MRRF: variants seen among roughly 807,000 people sequenced by gnomAD.
MRRF encodes the protein ribosome-recycling factor, mitochondrial.
MRRF carries 18 observed loss-of-function variants against 25.1 expected under a neutral mutation model. The observed-to-expected ratio is 0.72, with a 90% CI of 0.50 to 1.06. The LOEUF (loss-of-function observed/expected upper bound fraction) is 1.06. Among genes scored for constraint, MRRF ranks in the 50% least tolerant of loss-of-function variants. MRRF has a pLI of 0.00. For missense variants in MRRF, 323 were observed against 319.3 expected (o/e 1.01, Z -0.09); for synonymous variants, 113 against 112.1 (o/e 1.01, Z -0.05).
intron 6 of MRRF, among the ~76,000 whole-genome samples, chr9:122,320,396 C>T (rs1306259655): frequency 6.6e-6 from 1 of 152,188 alleles, no homozygotes; most frequent in African/African-American, 2.4e-5. Context: ...AGTACTCTCC[C>T]TCCTCCCAGT....
In MRRF at chr9:122,265,429, C is replaced by G. The variant is rs1587989041; in HGVS notation, c.-29+491C>G. The stretch of plus-strand genomic sequence containing the variant: ...GTAGCCCTTCTCCATTTACTTAACC[C>G]TGACAAATAGTATTGTCATTTACGT... On this transcript the variant is annotated intron_variant, in intron 1 of 6. Transcript: ENST00000344641. 2.1e-4 allele frequency: 62 copies of G among 289,618 alleles called. 1 individual carries two copies. Among genetic ancestry groups the G allele is most frequent in the South Asian group, 1.9e-3 (61 of 32,880 alleles). 17.9% of individuals were successfully genotyped at this position (289,618 alleles called of 1,614,324 possible).
intron 6 of MRRF, among the ~76,000 whole-genome samples, chr9:122,316,220 G>T (rs1250785665): frequency 6.6e-6 from 1 of 151,948 alleles, no homozygotes. Context: ...TTGTCACCCA[G>T]GCTGGAGTGC....
At position 122,327,725 on chromosome 9, in the gene MRRF, C is replaced by G. The variant is rs1836178652; in HGVS notation, c.*5108C>G. 1 of 152,148 alleles carries G rather than the reference C, an allele frequency of 6.6e-6. No individual in the cohort carries two copies. Among genetic ancestry groups the G allele is most frequent in the Non-Finnish European group, 1.5e-5 (1 of 68,028 alleles). 9.4% of individuals were successfully genotyped at this position (152,148 alleles called of 1,614,324 possible). On this transcript the variant is annotated 3_prime_UTR_variant, in exon 7 of 7. Transcript: ENST00000344641. ...TTATACATAGCGCTCCAGACGCTTA[C>G]ATCTTCTTTATTTCATTCAGTGCTC...
At chr9:122,274,533 G>GGTGTGTGTGTGT (rs765131163) in intron 2 of MRRF, among the ~76,000 whole-genome samples, 1,911 of 140,610 alleles carry the variant, frequency 0.014, 20 homozygotes, top group Middle Eastern at 0.025. Flanking sequence ...ATATGAATCT[G>GGTGTGTGTGTGT]GTGTGTGTGT....
chr9:122,307,199 C>T (rs1055285185), intron 5 of MRRF, among the ~76,000 whole-genome samples: 1 of 152,210 alleles, frequency 6.6e-6, no homozygotes, highest in Non-Finnish European at 1.5e-5. Context: ...GAACGTGGTG[C>T]TGCTGATTTC....
At chr9:122,265,480 GAGT>G (rs1832008523) in intron 1 of MRRF, 1 of 327,556 alleles carries the variant, frequency 3.1e-6, no homozygotes, top group Non-Finnish European at 6.0e-6. Flanking sequence ...GAAGTCCTGA[GAGT>G]TTGACCGATT....
chr9:122,276,206 G>A (rs1049782505), intron 2 of MRRF, among the ~76,000 whole-genome samples: 7 of 152,142 alleles, frequency 4.6e-5, no homozygotes, highest in Admixed American at 2.6e-4. Flanking sequence ...GAGTCACCAC[G>A]CCCAGCCTGT....
chr9:122,303,285 A>ATT (rs967842947), intron 5 of MRRF, among the ~76,000 whole-genome samples: 8 of 147,316 alleles, frequency 5.4e-5, no homozygotes, highest in Non-Finnish European at 9.1e-5. Flanking sequence ...AAATAAATAT[A>ATT]TTATATATAT....
chr9:122,308,542 T>C (rs952943647), intron 5 of MRRF, among the ~76,000 whole-genome samples: 1 of 151,416 alleles, frequency 6.6e-6, no homozygotes, highest in Admixed American at 6.6e-5. Context: ...CTACTAAAAA[T>C]ACAAAAATTA....
At chr9:122,273,840 C>A (rs1832613781) in intron 2 of MRRF, among the ~76,000 whole-genome samples, 1 of 152,030 alleles carries the variant, frequency 6.6e-6, no homozygotes. Context: ...GAGATATGTC[C>A]ATGTTGTGCA....
At chr9:122,270,119 T>C (rs1484748329) in intron 1 of MRRF, among the ~76,000 whole-genome samples, 1 of 152,238 alleles carries the variant, frequency 6.6e-6, no homozygotes, top group Non-Finnish European at 1.5e-5. Flanking sequence ...TTCTTAATTT[T>C]TACCTGAGCC....
chr9:122,287,970 A>G (rs1833515257), intron 4 of MRRF, among the ~76,000 whole-genome samples: 1 of 152,146 alleles, frequency 6.6e-6, no homozygotes, highest in Non-Finnish European at 1.5e-5. Context: ...TGTTTATGTA[A>G]TTTCTGTTTC....
chr9:122,289,159 C>T (rs891517472), intron 4 of MRRF, among the ~76,000 whole-genome samples: 1 of 152,104 alleles, frequency 6.6e-6, no homozygotes, highest in African/African-American at 2.4e-5. Context: ...TAAAATGAAA[C>T]TTTGATTCAT....
chr9:122,300,272 A>G (rs1834367732), intron 5 of MRRF, among the ~76,000 whole-genome samples: 1 of 152,170 alleles, frequency 6.6e-6, no homozygotes, highest in Non-Finnish European at 1.5e-5. Flanking sequence ...ACAGTGGATC[A>G]AGGTGTGGGG....
intron 4 of MRRF, among the ~76,000 whole-genome samples, chr9:122,291,490 T>C (rs1402126166): frequency 6.6e-6 from 1 of 152,238 alleles, no homozygotes; most frequent in African/African-American, 2.4e-5. Flanking sequence ...TGAAATCTTT[T>C]CAAAGAGGCA....
At chr9:122,285,316 C>T (rs764782302) in intron 4 of MRRF, 29 bp downstream of exon 4, 13 of 1,354,468 alleles carry the variant, frequency 9.6e-6, no homozygotes, top group East Asian at 4.6e-5. Flanking sequence ...AATCTCTCTC[C>T]GTGGTCTCTT....
chr9:122,309,117 A>C (rs146711932), intron 5 of MRRF, among the ~76,000 whole-genome samples: 1 of 152,142 alleles, frequency 6.6e-6, no homozygotes, highest in Non-Finnish European at 1.5e-5. Context: ...TAAGAACTTC[A>C]TGTAAGTGGA....
At chr9:122,281,010 A>G (rs915673138) in intron 3 of MRRF, among the ~76,000 whole-genome samples, 2 of 152,368 alleles carry the variant, frequency 1.3e-5, no homozygotes, top group African/African-American at 4.8e-5. Context: ...TTAGTCTCAT[A>G]GTAACTGACA....
chr9:122,282,646 C>T (rs1475798903), intron 3 of MRRF, among the ~76,000 whole-genome samples: 1 of 152,150 alleles, frequency 6.6e-6, no homozygotes, highest in African/African-American at 2.4e-5. Context: ...ATAACTATCT[C>T]ATAGAGTTAA....
Sources: allele counts gnomAD v4.1 joint callset (sites outside exome capture counted in the v4.1 genomes callset), GRCh38; gene constraint gnomAD v4.1.1; transcripts MANE v1.5; gene names NCBI Gene and HGNC (gene_info 2026-07-23, HGNC 2026-07-21).